The following DENND4C variants were observed in gnomAD, a reference collection of about 807,000 sequenced individuals.
DENND4C encodes DENN domain-containing protein 4C.
DENND4C carries 108 observed loss-of-function variants against 203.0 expected under a neutral mutation model. The observed-to-expected ratio is 0.53, with a 90% CI of 0.46 to 0.62. The LOEUF (loss-of-function observed/expected upper bound fraction) is 0.62, where lower values mean the gene tolerates loss of function less well. DENND4C is among the 20% of genes least tolerant of loss of function. The pLI, the probability that DENND4C is intolerant of heterozygous loss-of-function variation, is 0.00. For missense variants in DENND4C, 2,481 were observed against 2,301.2 expected (o/e 1.08, Z -1.60); for synonymous variants, 871 against 792.4 (o/e 1.10, Z -1.67).
At chr9:19,268,270 T>C (rs1338288288) in intron 1 of DENND4C, among the ~76,000 whole-genome samples, 4 of 152,058 alleles carry the variant, frequency 2.6e-5, no homozygotes, top group Non-Finnish European at 5.9e-5. Flanking sequence ...TGGCGAATTT[T>C]TGTATTTTTT....
At chr9:19,337,087 G>A (rs889877115) in intron 20 of DENND4C, among the ~76,000 whole-genome samples, 4 of 152,176 alleles carry the variant, frequency 2.6e-5, no homozygotes, top group Non-Finnish European at 5.9e-5. Context: ...TTGTGAAAGT[G>A]TATGCTATAA....
In DENND4C at chr9:19,346,207, C is replaced by T; in HGVS notation, c.3438C>T (p.Thr1146=). 1 of 1,614,130 alleles carries T rather than the reference C, an allele frequency of 6.2e-7. No homozygotes were observed. Among genetic ancestry groups the T allele is most frequent in the African/African-American group, 1.3e-5 (1 of 75,034 alleles). ...CTTCTCTACTTCATATTGCAAGAAC[C>T]CATAGCTTTGAGAATGTTAGCTGTC... ...PKTSLLHIAR[T]HSFENVSCHL... Residue 1146 remains threonine, a synonymous_variant, in exon 23 of 33, where the codon ACC becomes ACT. Transcript: ENST00000434457.
chr9:19,311,968 T>A (rs763473066), intron 10 of DENND4C, among the ~76,000 whole-genome samples: 10 of 152,194 alleles, frequency 6.6e-5, no homozygotes, highest in Non-Finnish European at 1.2e-4. Context: ...AAATCATGTT[T>A]GTTCAAAATA....
Position 19,352,537 on chromosome 9 carries a change from T to C in DENND4C, c.4653T>C (p.Val1551=). The C allele has an allele frequency of 6.2e-7, 1 of 1,612,630 alleles. No individual in the cohort carries two copies. Among genetic ancestry groups the C allele is most frequent in the South Asian group, 1.1e-5 (1 of 90,956 alleles). The change falls in exon 26 of 33, where the codon GTT becomes GTC. Residue 1551 remains valine, a synonymous_variant. Transcript: ENST00000434457. ...CSQCRACGAL[V]YDEEIMAGWT... ...AGTGTAGAGCTTGTGGAGCTTTAGT[T>C]TATGATGAAGAAATTATGGCTGGAT...
At chr9:19,268,337 C>G (rs1211045978) in intron 1 of DENND4C, among the ~76,000 whole-genome samples, 1 of 152,026 alleles carries the variant, frequency 6.6e-6, no homozygotes, top group African/African-American at 2.4e-5. Context: ...TGAGCTCAAG[C>G]CATCTGCCTA....
intron 10 of DENND4C, among the ~76,000 whole-genome samples, chr9:19,310,807 C>CT (rs1474336370): frequency 1.3e-5 from 2 of 151,974 alleles, no homozygotes; most frequent in African/African-American, 2.4e-5. Flanking sequence ...AAAAAAAAAC[C>CT]TTTTTGTTCA....
At position 19,267,423 on chromosome 9, in the gene DENND4C, C is replaced by T. The variant is rs1272323269; in HGVS notation, c.-17-8735C>T. Among the ~76,000 whole-genome samples, 9 of 152,318 alleles carry T rather than the reference C, an allele frequency of 5.9e-5. No individual in the cohort carries two copies. In the East Asian group the frequency reaches 1.7e-3, roughly 29 times the overall value. On this transcript the variant is annotated intron_variant, in intron 1 of 32. Transcript: ENST00000434457. ...GTTTTATCTGATACAAGTATACCTA[C>T]TCCTGCTCTTTCAGTTTCCATTTGC...
At chr9:19,368,933 C>T (rs1455551564) in intron 30 of DENND4C, among the ~76,000 whole-genome samples, 2 of 152,082 alleles carry the variant, frequency 1.3e-5, no homozygotes, top group East Asian at 3.9e-4. Flanking sequence ...AGGAGGACTG[C>T]TTGAGGCTGA....
At chr9:19,337,308 T>C (rs552120662) in intron 20 of DENND4C, among the ~76,000 whole-genome samples, 1 of 152,396 alleles carries the variant, frequency 6.6e-6, no homozygotes, top group South Asian at 2.1e-4. Flanking sequence ...TACATAGCCA[T>C]GGGAATAATC....
intron 1 of DENND4C, among the ~76,000 whole-genome samples, chr9:19,249,996 C>G (rs1826164280): frequency 6.6e-6 from 1 of 152,114 alleles, no homozygotes; most frequent in African/African-American, 2.4e-5. Flanking sequence ...TGTCAAAATA[C>G]TGTCTTCAAA....
At position 19,352,621 on chromosome 9, in the gene DENND4C, G is replaced by A. The variant is rs945141164; in HGVS notation, c.4737G>A (p.Leu1579=). Residue 1579 remains leucine (L), a synonymous_variant, in exon 26 of 33, where the codon TTG becomes TTA. Coordinates refer to ENST00000434457, the MANE Select transcript of DENND4C (RefSeq NM_001330640.2). The stretch of plus-strand genomic sequence containing the variant: ...GTCCATTCTGTAAAAGCAACTTCTT[G>A]CCTCTTCTCAATATAGAATTCAAAG... ...TACPFCKSNF[L]PLLNIEFKDL... 8.1e-6 allele frequency: 13 copies of A among 1,613,054 alleles called. No homozygotes were observed. Among genetic ancestry groups the A allele is most frequent in the Non-Finnish European group, 1.1e-5 (13 of 1,179,402 alleles).
chr9:19,303,335 T>C (rs1838981630), intron 9 of DENND4C, among the ~76,000 whole-genome samples: 1 of 152,156 alleles, frequency 6.6e-6, no homozygotes, highest in Non-Finnish European at 1.5e-5. Flanking sequence ...AGACAAGGTG[T>C]TTGCAAATGG....
chr9:19,332,939 G>A (rs958986129), intron 17 of DENND4C, among the ~76,000 whole-genome samples: 2 of 150,708 alleles, frequency 1.3e-5, no homozygotes, highest in Non-Finnish European at 3.0e-5. Flanking sequence ...GGAGCAGATA[G>A]GGAATAGGCT....
intron 24 of DENND4C, 91 bp downstream of exon 24, chr9:19,350,970 C>G (rs1823985829): frequency 1.5e-6 from 2 of 1,361,778 alleles, no homozygotes; most frequent in Non-Finnish European, 2.0e-6. Context: ...GTCTTGTTGC[C>G]CAGGCTGGTC....
intron 6 of DENND4C, among the ~76,000 whole-genome samples, chr9:19,296,578 C>T (rs1367662049): frequency 6.6e-6 from 1 of 152,066 alleles, no homozygotes; most frequent in Admixed American, 6.6e-5. Context: ...TGGTCTTGAA[C>T]TCCTGACCTC....
At chr9:19,241,173 A>G (rs1290909451) in intron 1 of DENND4C, among the ~76,000 whole-genome samples, 1 of 152,168 alleles carries the variant, frequency 6.6e-6, no homozygotes, top group African/African-American at 2.4e-5. Context: ...TTTATGAACA[A>G]TGTACAGTTA....
At chr9:19,315,170 AAAG>A (rs934658807) in intron 10 of DENND4C, among the ~76,000 whole-genome samples, 6 of 149,658 alleles carry the variant, frequency 4.0e-5, no homozygotes, top group East Asian at 3.9e-4. Flanking sequence ...AAAAAAAAAA[AAAG>A]AAAAGAAAAA....
At position 19,372,207 on chromosome 9, in the gene DENND4C, T is replaced by C. The variant is rs1461311844; in HGVS notation, c.*34T>C. On this transcript the variant is annotated 3_prime_UTR_variant, in exon 33 of 33. Transcript: ENST00000434457. ...TCACTAGAATGTTGACACACAAGGC[T>C]TGGGGATTAGATTTCATCTGGAAAC... The C allele has an allele frequency of 1.9e-6, 3 of 1,583,064 alleles. No individual in the cohort carries two copies. The highest frequency in any genetic ancestry group is 2.6e-6 in the Non-Finnish European group (3 of 1,166,254).
rs937520144 is a variant in DENND4C, at chr9:19,327,456, A to G, written c.2121-574A>G. 1.1e-4 allele frequency among the ~76,000 whole-genome samples: 16 copies of G among 152,114 alleles called. 1 individual carries two copies. The East Asian group carries it at 3.1e-3, about 29-fold the overall frequency. ...ATAATAATTTTAATTCTTTTGATAA[A>G]CATGGACCTAGCAAATTCTATTATT... On this transcript the variant is annotated intron_variant, in intron 15 of 32. Coordinates refer to ENST00000434457, the MANE Select transcript of DENND4C (RefSeq NM_001330640.2).
Sources: gnomAD v4.1 joint callset for allele counts (sites outside exome capture counted in the v4.1 genomes callset) on GRCh38, gnomAD v4.1.1 for gene constraint, MANE v1.5 for transcripts, NCBI Gene and HGNC (gene_info 2026-07-23, HGNC 2026-07-21) for gene names.